SIRT1: variants seen among roughly 807,000 people sequenced by gnomAD.
SIRT1 encodes NAD-dependent protein deacetylase sirtuin-1.
Under a neutral mutation model 67.9 loss-of-function variants are expected in SIRT1, and 24 were observed. That is an observed-to-expected ratio of 0.35 (90% CI 0.26 to 0.50). The LOEUF (loss-of-function observed/expected upper bound fraction) is 0.50, where lower values mean the gene tolerates loss of function less well. Among genes scored for constraint, SIRT1 ranks in the 20% least tolerant of loss-of-function variants. SIRT1 has a pLI of 0.98. For missense variants in SIRT1, 873 were observed against 937.2 expected, an observed-to-expected ratio of 0.93 and a Z score of 0.89; for synonymous variants, 378 against 350.7, an observed-to-expected ratio of 1.08 and a Z score of -0.87.
intron 4 of SIRT1, among the ~76,000 whole-genome samples, chr10:67,897,310 G>A (rs1317640058): frequency 6.8e-6 from 1 of 147,334 alleles, no homozygotes; most frequent in Non-Finnish European, 1.5e-5. Context: ...TTTTGGAGAT[G>A]AAGTTTCACT....
At chr10:67,889,334 A>G (rs1842533375) in intron 3 of SIRT1, among the ~76,000 whole-genome samples, 2 of 152,238 alleles carry the variant, frequency 1.3e-5, no homozygotes, top group African/African-American at 2.4e-5. Context: ...CTGCTTATTT[A>G]TAGCACAGTG....
chr10:67,900,196 A>G (rs1355780418), intron 4 of SIRT1, among the ~76,000 whole-genome samples: 3 of 151,794 alleles, frequency 2.0e-5, no homozygotes, highest in Non-Finnish European at 4.4e-5. Flanking sequence ...CTCAAGTTGG[A>G]GTGCAGTGGT....
chr10:67,890,816 G>C (rs1842558993), intron 3 of SIRT1, among the ~76,000 whole-genome samples: 1 of 151,482 alleles, frequency 6.6e-6, no homozygotes, highest in African/African-American at 2.4e-5. Flanking sequence ...GGATCACGAG[G>C]TTAGGAGATC....
intron 4 of SIRT1, among the ~76,000 whole-genome samples, chr10:67,895,311 A>G (rs1320343164): frequency 2.6e-5 from 4 of 152,220 alleles, no homozygotes; most frequent in South Asian, 4.2e-4. Flanking sequence ...CGTCCCAGCT[A>G]CGCAGGAGGC....
chr10:67,907,191 A>G (rs572659992), intron 5 of SIRT1, among the ~76,000 whole-genome samples: 39 of 152,316 alleles, frequency 2.6e-4, no homozygotes, highest in African/African-American at 8.7e-4. Flanking sequence ...CATGCATTCA[A>G]TTATTTTAAA....
At chr10:67,888,817 A>T (rs1178060337) in intron 2 of SIRT1, 65 bp from the exon 3 acceptor site, 1 of 1,524,878 alleles carries the variant, frequency 6.6e-7, no homozygotes, top group Non-Finnish European at 8.8e-7. Context: ...TCATTACTTC[A>T]GAAAATAAAT....
intron 7 of SIRT1, among the ~76,000 whole-genome samples, 195 bp downstream of exon 7, chr10:67,909,637 A>G (rs1160599377): frequency 6.6e-6 from 1 of 150,874 alleles, no homozygotes; most frequent in Non-Finnish European, 1.5e-5. Flanking sequence ...GTGCAGTCGC[A>G]TATCTTGGCT....
chr10:67,907,818 CAT>C (rs1842844110), intron 5 of SIRT1, among the ~76,000 whole-genome samples: 2 of 152,134 alleles, frequency 1.3e-5, no homozygotes, highest in Admixed American at 6.6e-5. Flanking sequence ...GATTGAGAAT[CAT>C]ATTCATTCTA....
In SIRT1 at chr10:67,887,493, A is replaced by T; in HGVS notation, c.507A>T (p.Ser169=). The change falls in exon 2 of 9, where the codon TCA becomes TCT. Residue 169 remains serine, a synonymous_variant. Transcript: ENST00000212015. The part of the protein sequence containing the change: ...SCESDEEDRA[S]HASSSDWTPR... ...AAAGTGATGAGGAGGATAGAGCCTCACATGCAAGCTCTAGTGACTGGACTC... is the reference window on the plus strand; with the variant it reads ...AAAGTGATGAGGAGGATAGAGCCTCTCATGCAAGCTCTAGTGACTGGACTC... 1.9e-6 allele frequency: 3 copies of T among 1,613,548 alleles called. No individual in the cohort carries two copies. The highest frequency in any genetic ancestry group is 2.5e-6 in the Non-Finnish European group (3 of 1,179,504).
chr10:67,915,887 C>T (rs914768496), intron 8 of SIRT1, among the ~76,000 whole-genome samples: 1 of 152,116 alleles, frequency 6.6e-6, no homozygotes, highest in Admixed American at 6.6e-5. Context: ...AAATTTATTT[C>T]ATATTCTAGA....
rs1365934184 is a variant in SIRT1, at chr10:67,916,806, A to T, written c.*213A>T. On this transcript the variant is annotated 3_prime_UTR_variant, in exon 9 of 9. Coordinates refer to ENST00000212015, the MANE Select transcript of SIRT1 (RefSeq NM_012238.5). ...CAACACTAACTTTTTTTTTTTTAAA[A>T]AAAAAAAGGTACTAAGTATCTTCAA... The T allele has an allele frequency of 1.5e-5, 5 of 322,612 alleles. No homozygotes were observed. The highest frequency in any genetic ancestry group is 2.3e-5 in the Non-Finnish European group (4 of 173,758). 20.0% of individuals were successfully genotyped at this position (322,612 alleles called of 1,614,324 possible).
At chr10:67,913,389 A>C (rs1842929435) in intron 8 of SIRT1, among the ~76,000 whole-genome samples, 1 of 152,174 alleles carries the variant, frequency 6.6e-6, no homozygotes, top group Non-Finnish European at 1.5e-5. Flanking sequence ...CAGGTGGGAA[A>C]ACTCAGGACC....
chr10:67,904,272 CA>C (rs997411791), intron 4 of SIRT1, among the ~76,000 whole-genome samples: 4 of 151,636 alleles, frequency 2.6e-5, no homozygotes, highest in African/African-American at 9.7e-5. Flanking sequence ...GGACTACAGG[CA>C]TGAACCGTGA....
chr10:67,887,559 G>A (rs1314448684), intron 2 of SIRT1, 26 bp downstream of exon 2: 9 of 1,457,240 alleles, frequency 6.2e-6, no homozygotes, highest in African/African-American at 4.2e-5. Flanking sequence ...GTTAATTTTA[G>A]AGAGTAAATG....
chr10:67,906,780 C>T lies in SIRT1; in HGVS notation c.943-10C>T. 6.2e-7 allele frequency: 1 copy of T among 1,604,570 alleles called. No individual in the cohort carries two copies. Among genetic ancestry groups the T allele is most frequent in the East Asian group, 2.2e-5 (1 of 44,572 alleles). On this transcript the variant is annotated splice_polypyrimidine_tract_variant and intron_variant, in intron 4 of 8. Coordinates refer to ENST00000212015, the MANE Select transcript of SIRT1 (RefSeq NM_012238.5). ...TAATGTAAATTTTTTCTACCATTTG[C>T]TTGATACAGGAAATATATCCTGGAC... is the stretch of plus-strand genomic sequence containing the variant.
chr10:67,898,295 G>A (rs1233274301), intron 4 of SIRT1, among the ~76,000 whole-genome samples: 3 of 151,152 alleles, frequency 2.0e-5, no homozygotes, highest in African/African-American at 7.3e-5. Flanking sequence ...AAAAGAAAAG[G>A]GACTATACTA....
intron 3 of SIRT1, among the ~76,000 whole-genome samples, chr10:67,889,984 T>G (rs1304456455): frequency 6.6e-6 from 1 of 152,020 alleles, no homozygotes; most frequent in Non-Finnish European, 1.5e-5. Context: ...CCTTTTTTTT[T>G]TTTCTTTTTT....
intron 5 of SIRT1, 115 bp from the exon 6 acceptor site, chr10:67,907,928 AAAC>A: frequency 1.2e-6 from 1 of 826,758 alleles, no homozygotes; most frequent in East Asian, 2.7e-5. Flanking sequence ...TTAAAAACAA[AAAC>A]AAAAATCCTT....
chr10:67,898,848 C>T (rs747236688), intron 4 of SIRT1, among the ~76,000 whole-genome samples: 35 of 152,196 alleles, frequency 2.3e-4, no homozygotes, highest in Non-Finnish European at 3.5e-4. Flanking sequence ...AAAGAAAAAA[C>T]TTGGCTGTTT....
Sources: gnomAD v4.1 joint callset for allele counts (sites outside exome capture counted in the v4.1 genomes callset) on GRCh38, gnomAD v4.1.1 for gene constraint, MANE v1.5 for transcripts, NCBI Gene and HGNC (gene_info 2026-07-23, HGNC 2026-07-21) for gene names.